Variants in CRISP1 observed in about 807,000 individuals in gnomAD.
The protein encoded by CRISP1 is cysteine-rich secretory protein 1.
CRISP1 carries 44 observed loss-of-function variants against 33.1 expected under a neutral mutation model. The ratio of observed to expected loss-of-function variants is 1.33; its 90% CI spans 1.05 to 1.71. CRISP1 has a LOEUF of 1.71. Among genes scored for constraint, CRISP1 ranks in the 40% most tolerant of loss-of-function variants. The pLI, the probability that CRISP1 is intolerant of heterozygous loss-of-function variation, is 0.00. For missense variants in CRISP1, 390 were observed against 301.2 expected (o/e 1.29, Z -2.18); for synonymous variants, 103 against 98.7 (o/e 1.04, Z -0.26).
chr6:49,859,107 GAC>G (rs1771574534), intron 1 of CRISP1, among the ~76,000 whole-genome samples: 2 of 152,012 alleles, frequency 1.3e-5, no homozygotes, highest in Non-Finnish European at 2.9e-5. Context: ...GATGCTTCTA[GAC>G]TCTCACAGAC....
In CRISP1 at chr6:49,839,014, A is replaced by T. The variant is rs1400007999; in HGVS notation, c.534-489T>A. Among the ~76,000 whole-genome samples the T allele has an allele frequency of 3.9e-5, 6 of 152,168 alleles. No homozygotes were observed. In the East Asian group the frequency reaches 1.2e-3, roughly 29 times the overall value. ...TGTTATAAGAAACTTTTTACATGTT[A>T]ATGTCTTTTATTGAAAGAGATGGTG... On this transcript the variant is annotated intron_variant, in intron 6 of 7. Transcript: ENST00000335847.
chr6:49,863,587 T>C (rs1771714283), intron 1 of CRISP1, among the ~76,000 whole-genome samples: 1 of 152,252 alleles, frequency 6.6e-6, no homozygotes, highest in Non-Finnish European at 1.5e-5. Flanking sequence ...TACCCTTTAG[T>C]TTCAGATTGT....
At chr6:49,865,272 G>T (rs1305666980) in intron 1 of CRISP1, among the ~76,000 whole-genome samples, 2 of 151,956 alleles carry the variant, frequency 1.3e-5, no homozygotes, top group Non-Finnish European at 2.9e-5. Context: ...AAAGAGATGA[G>T]GTCAATGGAA....
At chr6:49,868,217 G>T (rs1771842890), upstream of CRISP1, among the ~76,000 whole-genome samples, 1 of 152,166 alleles carries the variant, frequency 6.6e-6, no homozygotes, top group Non-Finnish European at 1.5e-5. Flanking sequence ...TGATTTGCAT[G>T]TGAGTCCCAA....
intron 1 of CRISP1, among the ~76,000 whole-genome samples, chr6:49,861,849 C>T (rs568536064): frequency 2.8e-4 from 42 of 151,856 alleles, no homozygotes; most frequent in South Asian, 6.3e-4. Context: ...CATGCCATTG[C>T]GCTCAAGCCT....
At chr6:49,837,407 TC>T (rs1406348645) in intron 7 of CRISP1, among the ~76,000 whole-genome samples, 1 of 151,706 alleles carries the variant, frequency 6.6e-6, no homozygotes, top group Non-Finnish European at 1.5e-5. Flanking sequence ...TCAATTGCCA[TC>T]CCTTCTCCTG....
chr6:49,849,043 C>G (rs1320862780), intron 3 of CRISP1, among the ~76,000 whole-genome samples: 1 of 152,126 alleles, frequency 6.6e-6, no homozygotes, highest in Admixed American at 6.5e-5. Flanking sequence ...AGTATGTGTT[C>G]TTGACTCTCA....
upstream of CRISP1, among the ~76,000 whole-genome samples, chr6:49,871,462 T>A (rs201158138): frequency 3.3e-5 from 5 of 152,146 alleles, no homozygotes; most frequent in East Asian, 7.8e-4. Context: ...CAACCCACCA[T>A]ACATTTGAAA....
rs201964072 is a variant in CRISP1, at chr6:49,846,593, C to T, written c.362G>A (p.Ser121Asn). Residue 121 changes from serine to asparagine, a missense_variant, in exon 5 of 8, where the codon AGT becomes AAT. By Grantham distance (46) the Ser-to-Asn change is conservative. Coordinates refer to ENST00000335847, the MANE Select transcript of CRISP1 (RefSeq NM_001131.3). Reference sequence around the variant, plus strand: ...TCCATGTTTGAAACTTGTAGACTCACTGTACCAGACTCCAATTACACTTGA... The same window carrying T: ...TCCATGTTTGAAACTTGTAGACTCATTGTACCAGACTCCAATTACACTTGA... ...SWSSVIGVWY[S>N]ESTSFKHGEW... The T allele has an allele frequency of 5.0e-5, 81 of 1,613,592 alleles. No individual in the cohort carries two copies. In the Admixed American group the frequency reaches 1.3e-3, roughly 26 times the overall value.
intron 1 of CRISP1, among the ~76,000 whole-genome samples, chr6:49,862,061 A>G (rs544145783): frequency 1.3e-5 from 2 of 152,174 alleles, no homozygotes; most frequent in Admixed American, 6.6e-5. Context: ...CAGAGAAATC[A>G]CTTGAGAGAA....
At chr6:49,871,826 T>C (rs563274944) in intron 1 of CRISP1, among the ~76,000 whole-genome samples, 3 of 152,274 alleles carry the variant, frequency 2.0e-5, no homozygotes, top group African/African-American at 7.2e-5. Flanking sequence ...TGCTTCCAAG[T>C]CTTTGCTATT....
At chr6:49,855,081 A>G (rs1771456418) in intron 2 of CRISP1, among the ~76,000 whole-genome samples, 1 of 152,088 alleles carries the variant, frequency 6.6e-6, no homozygotes, top group African/African-American at 2.4e-5. Flanking sequence ...TCAGTGTAGA[A>G]ATACTCTTTC....
At chr6:49,870,933 C>T (rs1000428628), upstream of CRISP1, among the ~76,000 whole-genome samples, 1 of 151,788 alleles carries the variant, frequency 6.6e-6, no homozygotes, top group African/African-American at 2.4e-5. Flanking sequence ...AAACCCCATG[C>T]CTACTAAAAA....
intron 7 of CRISP1, among the ~76,000 whole-genome samples, chr6:49,837,246 C>T (rs564741315): frequency 6.6e-5 from 10 of 152,262 alleles, no homozygotes; most frequent in African/African-American, 2.2e-4. Flanking sequence ...CAAACACTTA[C>T]AGGTGAAGAA....
upstream of CRISP1, among the ~76,000 whole-genome samples, chr6:49,869,992 A>C (rs1561952065): frequency 6.6e-6 from 1 of 152,198 alleles, no homozygotes; most frequent in Admixed American, 6.5e-5. Flanking sequence ...GTCCCTTCTC[A>C]GACTTTAAAT....
intron 1 of CRISP1, among the ~76,000 whole-genome samples, chr6:49,875,162 T>C (rs1360057272): frequency 1.3e-5 from 2 of 151,922 alleles, no homozygotes; most frequent in African/African-American, 4.8e-5. Flanking sequence ...GAAAACTCCA[T>C]TGTCTCATCC....
intron 1 of CRISP1, 24 bp from the exon 2 acceptor site, chr6:49,857,426 T>A: frequency 2.5e-6 from 4 of 1,596,824 alleles, no homozygotes; most frequent in Non-Finnish European, 3.4e-6. Flanking sequence ...AACACAATTT[T>A]AGATTATTCT....
At chr6:49,857,547 G>A in intron 1 of CRISP1, 145 bp from the exon 2 acceptor site, 5 of 652,654 alleles carry the variant, frequency 7.7e-6, no homozygotes, top group East Asian at 2.8e-5. Flanking sequence ...TAATGTGTTA[G>A]TCATTGGGAT....
intron 5 of CRISP1, 84 bp downstream of exon 5, chr6:49,846,436 T>G: frequency 1.5e-6 from 2 of 1,374,576 alleles, no homozygotes; most frequent in Non-Finnish European, 1.0e-6. Flanking sequence ...GAAGGTAGAA[T>G]GATTTTCAGT....
Sources: allele counts gnomAD v4.1 joint callset (sites outside exome capture counted in the v4.1 genomes callset), GRCh38; gene constraint gnomAD v4.1.1; transcripts MANE v1.5; gene names NCBI Gene and HGNC (gene_info 2026-07-23, HGNC 2026-07-21).